SLC39A11: variants seen among roughly 807,000 people sequenced by gnomAD.
SLC39A11 encodes zinc transporter ZIP11.
Under a neutral mutation model 36.1 loss-of-function variants are expected in SLC39A11, and 33 were observed. That is an observed-to-expected ratio of 0.91 (90% CI 0.69 to 1.22). SLC39A11 has a LOEUF of 1.22. Among genes scored for constraint, SLC39A11 ranks in the 50% most tolerant of loss-of-function variants. The pLI is 0.00. For synonymous variants in SLC39A11, 166 were observed against 170.3 expected, an observed-to-expected ratio of 0.97 and a Z score of 0.20; for missense variants, 432 against 430.3, an observed-to-expected ratio of 1.00 and a Z score of -0.03.
In SLC39A11 at chr17:72,950,213, A is replaced by G. The variant is rs149458911; in HGVS notation, c.307-2338T>C. On this transcript the variant is annotated intron_variant, in intron 4 of 9. Coordinates refer to ENST00000255559, the MANE Select transcript of SLC39A11 (RefSeq NM_139177.4). ...TTTTAATAAAGGTGCCAACACCCCCATGTAACTTTGTCTCAACTAAACAAA... is the reference window on the plus strand; with the variant it reads ...TTTTAATAAAGGTGCCAACACCCCCGTGTAACTTTGTCTCAACTAAACAAA... Among the ~76,000 whole-genome samples the G allele has an allele frequency of 3.7e-3, 567 of 152,290 alleles. 4 individuals are homozygous for G. The highest frequency in any genetic ancestry group is 0.013 in the African/African-American group (545 of 41,556).
chr17:72,850,355 G>A (rs1459310045), intron 5 of SLC39A11, among the ~76,000 whole-genome samples: 2 of 152,026 alleles, frequency 1.3e-5, no homozygotes, highest in Non-Finnish European at 2.9e-5. Flanking sequence ...TTGGGAGGCT[G>A]AGATGGGAGG....
At chr17:72,657,168 T>C (rs2070167525) in intron 7 of SLC39A11, among the ~76,000 whole-genome samples, 3 of 152,112 alleles carry the variant, frequency 2.0e-5, no homozygotes. Flanking sequence ...AAGACCAGCC[T>C]GGTCAACACG....
intron 7 of SLC39A11, among the ~76,000 whole-genome samples, chr17:72,734,290 G>A (rs2143928778): frequency 6.6e-6 from 1 of 152,300 alleles, no homozygotes; most frequent in Non-Finnish European, 1.5e-5. Context: ...GGGAGAATGG[G>A]CTGAAGGGTC....
At chr17:73,021,097 A>G (rs1304253368) in intron 4 of SLC39A11, among the ~76,000 whole-genome samples, 5 of 152,048 alleles carry the variant, frequency 3.3e-5, no homozygotes, top group African/African-American at 1.2e-4. Context: ...CCCTGACACC[A>G]GCCAGAACTG....
intron 6 of SLC39A11, among the ~76,000 whole-genome samples, chr17:72,768,665 C>A (rs889740577): frequency 1.3e-5 from 2 of 152,190 alleles, no homozygotes; most frequent in African/African-American, 4.8e-5. Flanking sequence ...TGGCACAGTC[C>A]TTGCTGTGGT....
rs180674833 is a variant in SLC39A11, at chr17:72,759,885, G to A, written c.602-23166C>T. 3.5e-3 allele frequency among the ~76,000 whole-genome samples: 537 copies of A among 152,260 alleles called. 2 individuals carry two copies. The highest frequency in any genetic ancestry group is 0.011 in the African/African-American group (458 of 41,538). On this transcript the variant is annotated intron_variant, in intron 6 of 9. Transcript: ENST00000255559. ...AGCTCTGGGCTCCAAACAAGGAAGCGCTGTCTTGTAATTAGTTACCTGTGC... is the reference window on the plus strand; with the variant it reads ...AGCTCTGGGCTCCAAACAAGGAAGCACTGTCTTGTAATTAGTTACCTGTGC...
chr17:72,716,884 G>A (rs906970803), intron 7 of SLC39A11, among the ~76,000 whole-genome samples: 3 of 150,924 alleles, frequency 2.0e-5, no homozygotes, highest in Non-Finnish European at 4.4e-5. Context: ...CATGAGAATT[G>A]CTTGAACTCA....
intron 6 of SLC39A11, among the ~76,000 whole-genome samples, chr17:72,755,275 ATCAAAG>A (rs2075328002): frequency 6.6e-6 from 1 of 152,268 alleles, no homozygotes; most frequent in Non-Finnish European, 1.5e-5. Flanking sequence ...GAAGACATGG[ATCAAAG>A]TCAGATTGCA....
intron 6 of SLC39A11, among the ~76,000 whole-genome samples, chr17:72,809,542 T>C (rs1490586069): frequency 6.6e-6 from 1 of 152,170 alleles, no homozygotes; most frequent in Non-Finnish European, 1.5e-5. Context: ...CTTTCTCTAC[T>C]CTTTGTCCAT....
At chr17:72,798,644 C>T (rs575743937) in intron 6 of SLC39A11, among the ~76,000 whole-genome samples, 30 of 152,032 alleles carry the variant, frequency 2.0e-4, no homozygotes, top group Non-Finnish European at 2.6e-4. Flanking sequence ...CTTGGTCTCC[C>T]AAAGTGCTGG....
At chr17:73,004,017 C>T (rs1337026288) in intron 4 of SLC39A11, among the ~76,000 whole-genome samples, 1 of 151,322 alleles carries the variant, frequency 6.6e-6, no homozygotes, top group African/African-American at 2.4e-5. Context: ...ACCCAGGAGG[C>T]AGAGGTTGCA....
At chr17:72,907,217 C>T (rs780947041) in intron 5 of SLC39A11, among the ~76,000 whole-genome samples, 1 of 152,284 alleles carries the variant, frequency 6.6e-6, no homozygotes, top group East Asian at 1.9e-4. Context: ...GCGCTGGGTG[C>T]GGGGGCTCAG....
At chr17:72,994,479 G>C (rs1328448721) in intron 4 of SLC39A11, among the ~76,000 whole-genome samples, 1 of 152,214 alleles carries the variant, frequency 6.6e-6, no homozygotes, top group African/African-American at 2.4e-5. Flanking sequence ...GATTGATCAA[G>C]AGGGGAATAC....
intron 7 of SLC39A11, among the ~76,000 whole-genome samples, chr17:72,677,855 G>A (rs2071340341): frequency 6.6e-6 from 1 of 152,214 alleles, no homozygotes; most frequent in South Asian, 2.1e-4. Flanking sequence ...TTTACACAAT[G>A]CGGGAGGGAG....
chr17:72,959,364 T>TATATATATATATAC (rs1375295540), intron 4 of SLC39A11, among the ~76,000 whole-genome samples: 2 of 138,980 alleles, frequency 1.4e-5, no homozygotes, highest in African/African-American at 5.3e-5. Context: ...TATATATATA[T>TATATATATATATAC]ATGATCGAAT....
chr17:73,024,544 G>A (rs1269677259), intron 4 of SLC39A11, among the ~76,000 whole-genome samples: 10 of 152,174 alleles, frequency 6.6e-5, no homozygotes. Flanking sequence ...GAATGCTAAA[G>A]ATGAAGGAAA....
intron 3 of SLC39A11, among the ~76,000 whole-genome samples, chr17:73,051,250 A>G (rs908109046): frequency 6.6e-6 from 1 of 152,116 alleles, no homozygotes; most frequent in Non-Finnish European, 1.5e-5. Context: ...CCCTCTTCTT[A>G]TAAGGACACC....
intron 5 of SLC39A11, among the ~76,000 whole-genome samples, chr17:72,883,270 G>A (rs532477201): frequency 5.3e-5 from 8 of 152,264 alleles, no homozygotes; most frequent in African/African-American, 1.9e-4. Flanking sequence ...GTGCACTGGA[G>A]TCTACCTACC....
chr17:72,988,300 C>T (rs1360314808), intron 4 of SLC39A11, among the ~76,000 whole-genome samples: 2 of 152,166 alleles, frequency 1.3e-5, no homozygotes, highest in African/African-American at 4.8e-5. Context: ...TAAAAACACA[C>T]ACACACACAA....
Sources: gnomAD v4.1 joint callset for allele counts (sites outside exome capture counted in the v4.1 genomes callset) on GRCh38, gnomAD v4.1.1 for gene constraint, MANE v1.5 for transcripts, NCBI Gene and HGNC (gene_info 2026-07-23, HGNC 2026-07-21) for gene names.